SYT16: variants seen among roughly 807,000 people sequenced by gnomAD.
The protein encoded by SYT16 is synaptotagmin-16.
Under a neutral mutation model 61.4 loss-of-function variants are expected in SYT16, and 42 were observed. The observed-to-expected ratio is 0.68, with a 90% CI of 0.53 to 0.89. The LOEUF is 0.89. SYT16 is among the 40% of genes least tolerant of loss of function. The probability of loss-of-function intolerance (pLI) is 0.00; values close to 1 mark genes in which losing one functional copy is unlikely to be tolerated. For missense variants in SYT16, 804 were observed against 807.3 expected, an observed-to-expected ratio of 1.00 and a Z score of 0.05; for synonymous variants, 314 against 302.3, an observed-to-expected ratio of 1.04 and a Z score of -0.40.
intron 1 of SYT16, among the ~76,000 whole-genome samples, chr14:61,884,852 A>G (rs2047838718): frequency 6.6e-6 from 1 of 152,228 alleles, no homozygotes; most frequent in Non-Finnish European, 1.5e-5. Context: ...CAGAAAGTCA[A>G]TAAATGTGAT....
chr14:61,941,369 A>G (rs1028008712), intron 1 of SYT16, among the ~76,000 whole-genome samples: 8 of 152,180 alleles, frequency 5.3e-5, no homozygotes, highest in African/African-American at 1.9e-4. Context: ...TCAGATCTAC[A>G]ACAGTATCCT....
intron 1 of SYT16, among the ~76,000 whole-genome samples, chr14:61,858,120 C>CAA (rs34781118): frequency 2.1e-3 from 91 of 43,172 alleles, no homozygotes; most frequent in Middle Eastern, 0.02. Context: ...CACAGCTTGG[C>CAA]AAAAAAAAAA....
chr14:61,911,386 A>G (rs2048928840), intron 1 of SYT16, among the ~76,000 whole-genome samples: 1 of 152,162 alleles, frequency 6.6e-6, no homozygotes, highest in South Asian at 2.1e-4. Context: ...GCCAATTTGG[A>G]GGGGCATTCA....
chr14:61,864,928 C>T, intron 1 of SYT16: 1 of 1,288,038 alleles, frequency 7.8e-7, no homozygotes, highest in Non-Finnish European at 1.1e-6. Context: ...TAACCGGGGT[C>T]CTGGGCTGCC....
At chr14:62,068,726 C>T (rs1194373985) in intron 3 of SYT16, among the ~76,000 whole-genome samples, 1 of 152,062 alleles carries the variant, frequency 6.6e-6, no homozygotes, top group Admixed American at 6.6e-5. Flanking sequence ...GTTGTTGATG[C>T]TGAGAAAGAT....
At chr14:61,913,818 G>T (rs180798578) in intron 1 of SYT16, among the ~76,000 whole-genome samples, 1 of 151,052 alleles carries the variant, frequency 6.6e-6, no homozygotes, top group Non-Finnish European at 1.5e-5. Context: ...TAAGAAAAAG[G>T]CTCATTCAGT....
intron 2 of SYT16, among the ~76,000 whole-genome samples, chr14:61,982,946 A>G (rs2052148167): frequency 6.6e-6 from 1 of 152,102 alleles, no homozygotes; most frequent in African/African-American, 2.4e-5. Context: ...TTATCAGAGG[A>G]CTATTGGGGT....
intron 1 of SYT16, among the ~76,000 whole-genome samples, chr14:61,876,131 A>C (rs1004221391): frequency 3.3e-5 from 5 of 152,206 alleles, no homozygotes; most frequent in Non-Finnish European, 7.4e-5. Context: ...TATTTATTTC[A>C]ATAGGGCATC....
intron 2 of SYT16, among the ~76,000 whole-genome samples, chr14:61,988,362 A>C (rs1383910021): frequency 6.6e-6 from 1 of 152,184 alleles, no homozygotes; most frequent in Admixed American, 6.5e-5. Context: ...AGCCATGTTA[A>C]ATAGTCCCCC....
Position 62,100,609 on chromosome 14 carries a change from C to T in SYT16, c.1840C>T (p.Gln614Ter). ...GATGATTGGCTGGATTGCCCTGGGC[C>T]AGAACAGCAGTGGAGAGGAGGAACA... is the stretch of plus-strand genomic sequence containing the variant. The part of the protein sequence containing the change: ...KEMIGWIALG[Q>*]NSSGEEEQDH... The change falls in exon 8 of 8, where the codon CAG becomes TAG. Residue 614 changes from glutamine (Q) to a stop codon, truncating the protein, a stop_gained. Transcript: ENST00000683842. LOFTEE classifies it high-confidence loss of function. The T allele has an allele frequency of 6.2e-7, 1 of 1,613,760 alleles. No homozygotes were observed. The highest frequency in any genetic ancestry group is 8.5e-7 in the Non-Finnish European group (1 of 1,179,802).
chr14:62,064,697 C>G (rs960171789), intron 3 of SYT16, among the ~76,000 whole-genome samples: 10 of 152,118 alleles, frequency 6.6e-5, no homozygotes, highest in Non-Finnish European at 1.0e-4. Context: ...AATCTTGGCT[C>G]ACTGCTTATA....
chr14:62,045,285 A>G (rs900000296), intron 3 of SYT16, among the ~76,000 whole-genome samples: 3 of 152,142 alleles, frequency 2.0e-5, no homozygotes, highest in African/African-American at 7.2e-5. Flanking sequence ...TTATATGGGA[A>G]GTTTTTCCTT....
At chr14:61,930,308 A>G (rs1001775053) in intron 1 of SYT16, among the ~76,000 whole-genome samples, 8 of 151,616 alleles carry the variant, frequency 5.3e-5, no homozygotes, top group African/African-American at 1.9e-4. Flanking sequence ...CAGACATCCC[A>G]TGAGCACCTC....
chr14:61,870,021 A>G (rs1321460192), intron 1 of SYT16, among the ~76,000 whole-genome samples: 1 of 152,214 alleles, frequency 6.6e-6, no homozygotes. Flanking sequence ...TCTTCTAAGT[A>G]TATTAAAAAT....
intron 1 of SYT16, among the ~76,000 whole-genome samples, chr14:61,903,959 G>T (rs560495482): frequency 6.6e-6 from 1 of 152,306 alleles, no homozygotes; most frequent in East Asian, 1.9e-4. Context: ...TCCTTCGAGG[G>T]TATCAATAAT....
chr14:61,877,182 G>A (rs2047529270), intron 1 of SYT16, among the ~76,000 whole-genome samples: 1 of 152,168 alleles, frequency 6.6e-6, no homozygotes, highest in Admixed American at 6.5e-5. Flanking sequence ...TCCCTCCCAG[G>A]AAGCCTGGGG....
At chr14:62,033,650 T>C (rs1241691625) in intron 3 of SYT16, among the ~76,000 whole-genome samples, 1 of 152,044 alleles carries the variant, frequency 6.6e-6, no homozygotes, top group Non-Finnish European at 1.5e-5. Context: ...GTATGATTTA[T>C]GAATATATAA....
chr14:61,851,039 C>G (rs932625952), intron 1 of SYT16, among the ~76,000 whole-genome samples: 1 of 152,116 alleles, frequency 6.6e-6, no homozygotes, highest in Non-Finnish European at 1.5e-5. Flanking sequence ...ATTAGCTGTT[C>G]TTCCTGATGC....
intron 1 of SYT16, among the ~76,000 whole-genome samples, chr14:61,923,814 A>T (rs1888255989): frequency 6.6e-6 from 1 of 152,208 alleles, no homozygotes; most frequent in Admixed American, 6.5e-5. Context: ...TGTCTTTATA[A>T]AGATTCAAAA....
Sources: gnomAD v4.1 joint callset for allele counts (sites outside exome capture counted in the v4.1 genomes callset) on GRCh38, gnomAD v4.1.1 for gene constraint, MANE v1.5 for transcripts, NCBI Gene and HGNC (gene_info 2026-07-23, HGNC 2026-07-21) for gene names.